The following NUP188 variants were observed in gnomAD, a reference collection of about 807,000 sequenced individuals.
The protein encoded by NUP188 is nucleoporin 188, also known as nucleoporin NUP188.
A neutral mutation model predicts 223.0 loss-of-function variants in NUP188; 97 were observed. The observed-to-expected ratio is 0.43, with a 90% CI of 0.37 to 0.51. The LOEUF is 0.51. Among genes scored for constraint, NUP188 ranks in the 20% least tolerant of loss-of-function variants. NUP188 has a pLI of 0.00. For missense variants in NUP188, 1,947 were observed against 2,175.6 expected, an observed-to-expected ratio of 0.89 and a Z score of 2.09; for synonymous variants, 869 against 828.0, an observed-to-expected ratio of 1.05 and a Z score of -0.85.
intron 8 of NUP188, among the ~76,000 whole-genome samples, chr9:128,960,362 C>T (rs912104429): frequency 1.1e-4 from 16 of 152,022 alleles, no homozygotes; most frequent in African/African-American, 3.6e-4. Context: ...TGAGCCACCG[C>T]GCCTGGCTAT....
chr9:128,952,927 G>A, intron 3 of NUP188, 81 bp downstream of exon 3: 1 of 1,125,390 alleles, frequency 8.9e-7, no homozygotes, highest in Non-Finnish European at 1.4e-6. Context: ...TATGTGCTTT[G>A]ATGATATTGT....
intron 2 of NUP188, among the ~76,000 whole-genome samples, chr9:128,949,919 C>CTTTTTT: frequency 1.2e-5 from 1 of 81,232 alleles, no homozygotes; most frequent in Non-Finnish European, 2.2e-5. Context: ...GTGACGGCCA[C>CTTTTTT]TTTTTTTTTT....
chr9:128,978,864 C>G (rs182770778), intron 12 of NUP188, among the ~76,000 whole-genome samples: 45 of 152,168 alleles, frequency 3.0e-4, no homozygotes, highest in African/African-American at 1.0e-3. Flanking sequence ...GTGTGCGCCA[C>G]CACACCTGGC....
chr9:128,982,676 G>A lies in NUP188; in HGVS notation c.1644G>A (p.Met548Ile), dbSNP rs775076050. 5 of 1,613,942 alleles carry A rather than the reference G, an allele frequency of 3.1e-6. No homozygotes were observed. Among genetic ancestry groups the A allele is most frequent in the Non-Finnish European group, 4.2e-6 (5 of 1,180,004 alleles). The change falls in exon 16 of 44, where the codon ATG becomes ATA. Residue 548 changes from methionine to isoleucine, a missense_variant. Transcript: ENST00000372577. ...SWTLFTCEIEMLLHVVSTADV... is the reference protein window; with the variant it reads ...SWTLFTCEIEILLHVVSTADV... ...CCCTCTTTACCTGCGAGATTGAAATGTTGCTTCATGTTGTTTCAACTGCAG... is the reference window on the plus strand; with the variant it reads ...CCCTCTTTACCTGCGAGATTGAAATATTGCTTCATGTTGTTTCAACTGCAG...
At chr9:128,959,608 C>T (rs992942180) in intron 8 of NUP188, among the ~76,000 whole-genome samples, 4 of 148,576 alleles carry the variant, frequency 2.7e-5, no homozygotes, top group Admixed American at 2.0e-4. Flanking sequence ...TCTCAGCTCA[C>T]TGCAACCTCC....
In NUP188 at chr9:128,982,774, A is replaced by G. The variant is rs551943814; in HGVS notation, c.1669+73A>G. Reference sequence around the variant, plus strand: ...ATGCTTGGAGGATTTAGAAAATAGAATATCTACATAAAATTTAGAACCATC... The same window carrying G: ...ATGCTTGGAGGATTTAGAAAATAGAGTATCTACATAAAATTTAGAACCATC... On this transcript the variant is annotated intron_variant, in intron 16 of 43. Transcript: ENST00000372577. 3.1e-6 allele frequency: 5 copies of G among 1,589,376 alleles called. No individual in the cohort carries two copies. The African/African-American group carries it at 4.0e-5, about 13-fold the overall frequency.
chr9:128,985,243 G>A (rs1231968217), intron 20 of NUP188: 2 of 415,552 alleles, frequency 4.8e-6, no homozygotes, highest in East Asian at 4.0e-5. Context: ...ATGATTGGAA[G>A]GTTTATGAAG....
At chr9:129,004,070 G>C (rs1184759057) in intron 38 of NUP188, 2 of 168,252 alleles carry the variant, frequency 1.2e-5, no homozygotes, top group African/African-American at 2.4e-5. Flanking sequence ...GAGGTCAGGA[G>C]CTCGAGACCA....
Position 129,003,381 on chromosome 9 carries a change from G to C in NUP188, c.4361G>C (p.Gly1454Ala). Reference sequence around the variant, plus strand: ...CTGGAGGAGGCGGACCACACCGTGGGTTTTATTCTGCAGCTCTCTAACTTC... The same window carrying C: ...CTGGAGGAGGCGGACCACACCGTGGCTTTTATTCTGCAGCTCTCTAACTTC... ...ACLEEADHTV[G>A]FILQLSNFMK... Residue 1454 changes from glycine (G) to alanine (A), a missense_variant, in exon 38 of 44, where the codon GGT becomes GCT. Gly to Ala is a moderately conservative substitution (Grantham distance 60). Around this residue, in one of 3 missense-constraint regions of NUP188, gnomAD observed 905 missense variants for 990.6 expected, o/e 0.91. Transcript: ENST00000372577. The C allele has an allele frequency of 6.2e-7, 1 of 1,613,536 alleles. No individual in the cohort carries two copies.
At chr9:128,948,670 C>G (rs925941811) in intron 1 of NUP188, 5 of 152,242 alleles carry the variant, frequency 3.3e-5, no homozygotes, top group African/African-American at 1.2e-4. Context: ...GTTAAACATC[C>G]CCGTCTCTTA....
chr9:128,982,987 T>C lies in NUP188; in HGVS notation c.1755T>C (p.Cys585=), dbSNP rs1021570475. The C allele has an allele frequency of 1.2e-6, 2 of 1,614,110 alleles. No individual in the cohort carries two copies. ...VISTDLSIAD[C]LLPITSRIYM... is the part of the protein sequence containing the mutation. Reference sequence around the variant, plus strand: ...GTACAGACCTGTCGATAGCAGACTGTCTCCTGCCCATCACATCTCGCATCT... The same window carrying C: ...GTACAGACCTGTCGATAGCAGACTGCCTCCTGCCCATCACATCTCGCATCT... Residue 585 remains cysteine (C), a synonymous_variant, in exon 17 of 44, where the codon TGT becomes TGC. Coordinates refer to ENST00000372577, the MANE Select transcript of NUP188 (RefSeq NM_015354.3).
At chr9:128,971,087 A>T in intron 11 of NUP188, 129 bp downstream of exon 11, 1 of 703,368 alleles carries the variant, frequency 1.4e-6, no homozygotes, top group Non-Finnish European at 2.6e-6. Flanking sequence ...GCATTTAGAC[A>T]TCATCAGGCA....
chr9:128,967,667 G>A (rs1477163013), intron 8 of NUP188, among the ~76,000 whole-genome samples: 1 of 152,088 alleles, frequency 6.6e-6, no homozygotes, highest in African/African-American at 2.4e-5. Flanking sequence ...GCAGGCGCCT[G>A]TAATCCCAGC....
intron 8 of NUP188, among the ~76,000 whole-genome samples, chr9:128,960,140 T>G (rs2131144610): frequency 6.8e-6 from 1 of 147,050 alleles, no homozygotes; most frequent in East Asian, 2.1e-4. Context: ...CTCCACTCAC[T>G]GCAGGCTCCA....
intron 8 of NUP188, among the ~76,000 whole-genome samples, chr9:128,967,299 T>C (rs1447426763): frequency 6.6e-6 from 1 of 152,196 alleles, no homozygotes; most frequent in African/African-American, 2.4e-5. Flanking sequence ...CTTATAGACG[T>C]GAGCCACCCT....
chr9:129,003,165 C>T lies in NUP188; in HGVS notation c.4297-152C>T, dbSNP rs757669343. 254 of 1,132,790 alleles carry T rather than the reference C, an allele frequency of 2.2e-4. 1 individual carries two copies. Among genetic ancestry groups the T allele is most frequent in the Middle Eastern group, 1.2e-3 (4 of 3,302 alleles). The allele number at this position is 1,132,790 out of a possible 1,614,324, so 70.2% of individuals were successfully genotyped here. On this transcript the variant is annotated intron_variant, in intron 37 of 43. Coordinates refer to ENST00000372577, the MANE Select transcript of NUP188 (RefSeq NM_015354.3). Reference sequence around the variant, plus strand: ...GTCTGCTGAAGGACGGGAACGGTCTCGGGTCAGAATCCTGGTTGTACCACT... The same window carrying T: ...GTCTGCTGAAGGACGGGAACGGTCTTGGGTCAGAATCCTGGTTGTACCACT...
chr9:129,005,645 TC>T lies in NUP188; in HGVS notation c.4741del (p.Leu1581TrpfsTer12). 1 of 1,613,434 alleles carries T rather than the reference TC, an allele frequency of 6.2e-7. No homozygotes were observed. The highest frequency in any genetic ancestry group is 1.7e-4 in the Middle Eastern group (1 of 6,058). On this transcript the variant is annotated frameshift_variant and splice_region_variant, in exon 41 of 44. Coordinates refer to ENST00000372577, the MANE Select transcript of NUP188 (RefSeq NM_015354.3). LOFTEE classifies it high-confidence loss of function. The part of the protein sequence containing the change: ...PDVCQILLDQ[S>X]LDLAEYNFLF... ...GGATGGCTCTTGTCTTTTCTCGCAG[TC>T]CCTGGACCTTGCTGAATACAACTTC...
At chr9:128,961,586 C>G (rs1446698998) in intron 8 of NUP188, among the ~76,000 whole-genome samples, 2 of 118,392 alleles carry the variant, frequency 1.7e-5, no homozygotes, top group Non-Finnish European at 3.1e-5. Context: ...ATCTATCTAT[C>G]TATCTAGATA....
At position 128,983,536 on chromosome 9, in the gene NUP188, G is replaced by C. The variant is rs1191485401; in HGVS notation, c.1947G>C (p.Leu649=). ...LPFVAHPVSS[L]SQMISAEGMN... ...TTGTGGCCCATCCTGTCTCCAGCCT[G>C]AGTCAGATGATTAGGTGAGCCAAGT... Residue 649 remains leucine (L), a synonymous_variant, in exon 19 of 44, where the codon CTG becomes CTC. Coordinates refer to ENST00000372577, the MANE Select transcript of NUP188 (RefSeq NM_015354.3). 1 of 1,613,948 alleles carries C rather than the reference G, an allele frequency of 6.2e-7. No homozygotes were observed. Among genetic ancestry groups the C allele is most frequent in the South Asian group, 1.1e-5 (1 of 91,042 alleles).
Sources: allele counts gnomAD v4.1 joint callset (sites outside exome capture counted in the v4.1 genomes callset), GRCh38; gene constraint gnomAD v4.1.1; regional missense constraint gnomAD v4.1.1; transcripts MANE v1.5; gene names NCBI Gene and HGNC (gene_info 2026-07-23, HGNC 2026-07-21).